ADAM17: variants seen among roughly 807,000 people sequenced by gnomAD.
The protein encoded by ADAM17 is ADAM metallopeptidase domain 17, also known as disintegrin and metalloproteinase domain-containing protein 17.
In ADAM17, 39 loss-of-function variants were observed where a neutral mutation model predicts 96.7. That is an observed-to-expected ratio of 0.40 (90% CI 0.31 to 0.53). The LOEUF is 0.53. Among genes scored for constraint, ADAM17 ranks in the 20% least tolerant of loss-of-function variants. The probability of loss-of-function intolerance (pLI) is 0.44; values close to 1 mark genes in which losing one functional copy is unlikely to be tolerated. For synonymous variants in ADAM17, 344 were observed against 359.2 expected (o/e 0.96, Z 0.48); for missense variants, 777 against 1,013.2 (o/e 0.77, Z 3.17).
chr2:9,536,384 G>A (rs186792926), intron 3 of ADAM17, among the ~76,000 whole-genome samples: 2 of 152,158 alleles, frequency 1.3e-5, no homozygotes, highest in African/African-American at 4.8e-5. Flanking sequence ...TTATCTCCAA[G>A]CTTCCCTGTT....
At chr2:9,495,095 T>C (rs1662471279) in intron 14 of ADAM17, among the ~76,000 whole-genome samples, 1 of 152,170 alleles carries the variant, frequency 6.6e-6, no homozygotes, top group Non-Finnish European at 1.5e-5. Context: ...GTCCCAACTT[T>C]CTTGTCACCC....
chr2:9,510,663 CAAAAA>C lies in ADAM17; in HGVS notation c.1192-537_1192-533del, dbSNP rs57462514. Among the ~76,000 whole-genome samples, 486 of 84,812 alleles carry C rather than the reference CAAAAA, an allele frequency of 5.7e-3. 2 individuals are homozygous for C. The highest frequency in any genetic ancestry group is 0.018 in the African/African-American group (461 of 25,340). 55.6% of individuals were successfully genotyped at this position (84,812 alleles called of 152,430 possible). ...TGGGAGACAGGGCGAGACTTCGTCT[CAAAAA>C]AAAAAAAAAAAAAATTAGCCAGGCA... On this transcript the variant is annotated intron_variant, in intron 10 of 18. Coordinates refer to ENST00000310823, the MANE Select transcript of ADAM17 (RefSeq NM_003183.6).
At chr2:9,495,484 G>A (rs1019109113) in intron 14 of ADAM17, among the ~76,000 whole-genome samples, 1 of 152,188 alleles carries the variant, frequency 6.6e-6, no homozygotes, top group South Asian at 2.1e-4. Context: ...AGGCCAAGGC[G>A]GACAGATCAC....
At chr2:9,512,727 G>A (rs1460028266) in intron 10 of ADAM17, among the ~76,000 whole-genome samples, 1 of 152,148 alleles carries the variant, frequency 6.6e-6, no homozygotes, top group Non-Finnish European at 1.5e-5. Flanking sequence ...CAGTCGGTTA[G>A]TATGAGAACA....
At chr2:9,551,239 G>GA (rs981949241) in intron 1 of ADAM17, among the ~76,000 whole-genome samples, 57 of 127,928 alleles carry the variant, frequency 4.5e-4, no homozygotes, top group Admixed American at 5.5e-4. Flanking sequence ...TAACAACAAA[G>GA]AAAAAAAAAA....
intron 6 of ADAM17, among the ~76,000 whole-genome samples, chr2:9,524,631 T>C (rs1664445824): frequency 6.6e-6 from 1 of 152,178 alleles, no homozygotes; most frequent in African/African-American, 2.4e-5. Flanking sequence ...CTCGAATGTC[T>C]TCCCCAGAAA....
Position 9,489,604 on chromosome 2 carries a change from A to T in ADAM17, c.*573T>A, listed in dbSNP as rs1661919731. On this transcript the variant is annotated 3_prime_UTR_variant, in exon 19 of 19. Transcript: ENST00000310823. ...ATGAAGAGCCATATTAACCCAAATG[A>T]TTTCTAAATTTAGATATATATTTTC... 6.6e-6 allele frequency: 1 copy of T among 151,918 alleles called. No homozygotes were observed. The highest frequency in any genetic ancestry group is 1.5e-5 in the Non-Finnish European group (1 of 68,000). 9.4% of individuals were successfully genotyped at this position (151,918 alleles called of 1,614,324 possible). A position where few individuals can be genotyped will look rare whatever the true frequency, so the allele number is the denominator to read the frequency against.
intron 1 of ADAM17, among the ~76,000 whole-genome samples, chr2:9,544,441 C>A (rs887078396): frequency 5.9e-5 from 9 of 152,140 alleles, no homozygotes; most frequent in African/African-American, 2.2e-4. Context: ...AGGAGAATCG[C>A]TTGAACCCAG....
Position 9,489,980 on chromosome 2 carries a change from ATTCACC to A in ADAM17, c.*191_*196del. ...ACCTGAAAGCCTCAAAATAAGCTAG[ATTCACC>A]TTCACCTTACCTTTTCAAAAGGAGA... On this transcript the variant is annotated 3_prime_UTR_variant, in exon 19 of 19. Coordinates refer to ENST00000310823, the MANE Select transcript of ADAM17 (RefSeq NM_003183.6). 3.9e-6 allele frequency: 2 copies of A among 518,324 alleles called. No individual in the cohort carries two copies. Among genetic ancestry groups the A allele is most frequent in the Non-Finnish European group, 6.7e-6 (2 of 297,934 alleles). The allele number at this position is 518,324 out of a possible 1,614,324, so 32.1% of individuals were successfully genotyped here.
chr2:9,501,222 G>A (rs956142116), intron 13 of ADAM17, among the ~76,000 whole-genome samples: 2 of 152,124 alleles, frequency 1.3e-5, no homozygotes, highest in African/African-American at 4.8e-5. Context: ...CAAGAAAAAT[G>A]TAAGTAAGTG....
At chr2:9,528,140 AATAC>A (rs1236270519) in intron 4 of ADAM17, among the ~76,000 whole-genome samples, 186 bp from the exon 5 acceptor site, 2 of 150,846 alleles carry the variant, frequency 1.3e-5, no homozygotes, top group South Asian at 2.1e-4. Flanking sequence ...CAGGAAAGTA[AATAC>A]ATAGATTATA....
chr2:9,553,070 GAA>G (rs796312841), intron 1 of ADAM17, among the ~76,000 whole-genome samples: 1 of 149,970 alleles, frequency 6.7e-6, no homozygotes, highest in Non-Finnish European at 1.5e-5. Flanking sequence ...CAAACAAACT[GAA>G]AAAAAAAGTC....
At chr2:9,499,220 T>C (rs1255287829) in intron 13 of ADAM17, among the ~76,000 whole-genome samples, 1 of 151,448 alleles carries the variant, frequency 6.6e-6, no homozygotes, top group African/African-American at 2.4e-5. Context: ...TTGTATAAAA[T>C]ATCAAGGGAA....
intron 6 of ADAM17, among the ~76,000 whole-genome samples, chr2:9,524,755 A>G (rs1664450118): frequency 6.6e-6 from 1 of 152,244 alleles, no homozygotes; most frequent in African/African-American, 2.4e-5. Context: ...GGTTCATTTC[A>G]GCAACCCTCC....
chr2:9,490,408 C>T lies in ADAM17; in HGVS notation c.2244G>A (p.Ala748=), dbSNP rs945619889. ...RLQPAPVIPS[A]PAAPKLDHQR... ...GGTGGTCCAGTTTTGGAGCTGCTGG[C>T]GCCGAAGGGATCACAGGGGCAGGCT... Residue 748 remains alanine (A), a synonymous_variant, in exon 19 of 19, where the codon GCG becomes GCA. Transcript: ENST00000310823. The T allele has an allele frequency of 1.5e-5, 24 of 1,613,982 alleles. No individual in the cohort carries two copies. The highest frequency in any genetic ancestry group is 2.7e-5 in the African/African-American group (2 of 74,872).
chr2:9,539,087 T>C (rs1368764739), intron 2 of ADAM17, among the ~76,000 whole-genome samples: 2 of 152,088 alleles, frequency 1.3e-5, no homozygotes, highest in African/African-American at 2.4e-5. Context: ...TTTTTCGTTA[T>C]TTAAAAATAA....
intron 1 of ADAM17, among the ~76,000 whole-genome samples, chr2:9,543,902 AG>A (rs1432636971): frequency 6.6e-6 from 1 of 152,230 alleles, no homozygotes; most frequent in Non-Finnish European, 1.5e-5. Context: ...CAAAACAGCT[AG>A]AAGACTTGTA....
In ADAM17 at chr2:9,517,979, G is replaced by A. The variant is rs1233735800; in HGVS notation, c.1113C>T (p.Ser371=). 1 of 1,597,282 alleles carries A rather than the reference G, an allele frequency of 6.3e-7. No individual in the cohort carries two copies. Among genetic ancestry groups the A allele is most frequent in the East Asian group, 2.2e-5 (1 of 44,624 alleles). The part of the protein sequence containing the change: ...HGGVCPKAYY[S]PVGKKNIYLN... Reference sequence around the variant, plus strand: ...AATAGATATTTTTCTTCCCAACTGGGCTATAATAAGCTAAAGTCAAAAGGA... The same window carrying A: ...AATAGATATTTTTCTTCCCAACTGGACTATAATAAGCTAAAGTCAAAAGGA... The change falls in exon 10 of 19, where the codon AGC becomes AGT. Residue 371 remains serine, a synonymous_variant. Transcript: ENST00000310823.
chr2:9,535,776 C>T, intron 4 of ADAM17, 58 bp downstream of exon 4: 1 of 1,135,586 alleles, frequency 8.8e-7, no homozygotes. Context: ...CAGAACTGAG[C>T]AGCTTTTTGA....
Sources: allele counts gnomAD v4.1 joint callset (sites outside exome capture counted in the v4.1 genomes callset), GRCh38; gene constraint gnomAD v4.1.1; transcripts MANE v1.5; gene names NCBI Gene and HGNC (gene_info 2026-07-23, HGNC 2026-07-21).